The following VPS53 variants were observed in gnomAD, a reference collection of about 807,000 sequenced individuals.
VPS53 encodes VPS53 subunit of GARP complex.
VPS53 carries 70 observed loss-of-function variants against 107.0 expected under a neutral mutation model. That is an observed-to-expected ratio of 0.65 (90% CI 0.54 to 0.80). VPS53 has a LOEUF of 0.80. Among genes scored for constraint, VPS53 ranks in the 30% least tolerant of loss-of-function variants. The pLI is 0.00. For synonymous variants in VPS53, 409 were observed against 393.3 expected, an observed-to-expected ratio of 1.04 and a Z score of -0.47; for missense variants, 917 against 1,049.4, an observed-to-expected ratio of 0.87 and a Z score of 1.74.
Position 518,954 on chromosome 17 carries a change from GA to G in VPS53, c.*173del. On this transcript the variant is annotated 3_prime_UTR_variant, in exon 22 of 22. Coordinates refer to ENST00000437048, the MANE Select transcript of VPS53 (RefSeq NM_001128159.3). The stretch of plus-strand genomic sequence containing the variant: ...AGCCCAGCCCTTACTCAGCGTCTCC[GA>G]TTAGGGCAGGAAGTAAGACAGGGCA... The G allele has an allele frequency of 3.0e-6, 2 of 669,190 alleles. No individual in the cohort carries two copies. The highest frequency in any genetic ancestry group is 6.2e-5 in the East Asian group (2 of 32,296). 41.5% of individuals were successfully genotyped at this position (669,190 alleles called of 1,614,324 possible). A position where few individuals can be genotyped will look rare whatever the true frequency, so the allele number is the denominator to read the frequency against.
rs1368213687 is a variant in VPS53, at chr17:524,670, G to C, written c.2086-2932C>G. Among the ~76,000 whole-genome samples, 1 of 152,202 alleles carries C rather than the reference G, an allele frequency of 6.6e-6. No individual in the cohort carries two copies. The highest frequency in any genetic ancestry group is 1.5e-5 in the Non-Finnish European group (1 of 68,034). ...CTGGGAAATGCAAATTAAAACCACA[G>C]ATGTACACCATAATACATCCATCAG... On this transcript the variant is annotated intron_variant, in intron 19 of 21. Coordinates refer to ENST00000437048, the MANE Select transcript of VPS53 (RefSeq NM_001128159.3). The surrounding 1 kb of genome is among the most constrained non-coding windows in gnomAD (Gnocchi z 4.5).
chr17:603,837 T>C (rs1038333776), intron 11 of VPS53, among the ~76,000 whole-genome samples: 1 of 152,154 alleles, frequency 6.6e-6, no homozygotes, highest in African/African-American at 2.4e-5. Flanking sequence ...GAGAGAGGAA[T>C]AGTAATAAAG....
intron 5 of VPS53, among the ~76,000 whole-genome samples, chr17:656,330 A>C (rs1342195190): frequency 6.6e-6 from 1 of 152,208 alleles, no homozygotes; most frequent in Non-Finnish European, 1.5e-5. Flanking sequence ...GCTGGGCCAT[A>C]TAAAACACCT....
At chr17:522,418 C>G (rs1208615771) in intron 19 of VPS53, among the ~76,000 whole-genome samples, 1 of 152,246 alleles carries the variant, frequency 6.6e-6, no homozygotes, top group Non-Finnish European at 1.5e-5. Context: ...TAAGTGCACT[C>G]TAGCCTGGGC....
chr17:611,202 C>T lies in VPS53; in HGVS notation c.1117-9306G>A, dbSNP rs371481025. On this transcript the variant is annotated intron_variant, in intron 11 of 21. Coordinates refer to ENST00000437048, the MANE Select transcript of VPS53 (RefSeq NM_001128159.3). ...CTAAGTTTTGTATTTTTAGTACAGACGGGGTTTCACCATGTTGGCCAGGCT... is the reference window on the plus strand; with the variant it reads ...CTAAGTTTTGTATTTTTAGTACAGATGGGGTTTCACCATGTTGGCCAGGCT... Among the ~76,000 whole-genome samples the T allele has an allele frequency of 6.6e-5, 10 of 152,166 alleles. No homozygotes were observed. The South Asian group carries it at 1.7e-3, about 25-fold the overall frequency.
rs534730637 is a variant in VPS53 at position 527,386 on chromosome 17, A to G, written c.2085+5456T>C. Reference sequence around the variant, plus strand: ...CACTGTAGCTTGTTTCCTGCTCATAAACCTGCTGTGAACATTCGTGCGCAT... The same window carrying G: ...CACTGTAGCTTGTTTCCTGCTCATAGACCTGCTGTGAACATTCGTGCGCAT... On this transcript the variant is annotated intron_variant, in intron 19 of 21. Coordinates refer to ENST00000437048, the MANE Select transcript of VPS53 (RefSeq NM_001128159.3). Among the ~76,000 whole-genome samples, 3 of 152,222 alleles carry G rather than the reference A, an allele frequency of 2.0e-5. No homozygotes were observed. The East Asian group carries it at 5.8e-4, about 29-fold the overall frequency.
rs550639668 is a variant in VPS53, at chr17:646,093, C to T, written c.608+7198G>A. Among the ~76,000 whole-genome samples, 5 of 120,908 alleles carry T rather than the reference C, an allele frequency of 4.1e-5. No individual in the cohort carries two copies. The South Asian group carries it at 1.2e-3, about 28-fold the overall frequency. 79.3% of individuals were successfully genotyped at this position (120,908 alleles called of 152,430 possible). A position where few individuals can be genotyped will look rare whatever the true frequency, so the allele number is the denominator to read the frequency against. On this transcript the variant is annotated intron_variant, in intron 7 of 21. Coordinates refer to ENST00000437048, the MANE Select transcript of VPS53 (RefSeq NM_001128159.3). ...GTCTTATCTTTTCTAATTCATACCA[C>T]GGACTGGAGACTGGCTCTTACACAC...
intron 12 of VPS53, among the ~76,000 whole-genome samples, chr17:593,273 C>T (rs1175848310): frequency 6.6e-6 from 1 of 152,002 alleles, no homozygotes; most frequent in Non-Finnish European, 1.5e-5. Context: ...TCTAAAACAC[C>T]AAAAGCAATG....
At chr17:618,647 C>CA (rs1969283432) in intron 11 of VPS53, among the ~76,000 whole-genome samples, 1 of 150,616 alleles carries the variant, frequency 6.6e-6, no homozygotes. Context: ...ACTACAGGTG[C>CA]CCACGACACC....
chr17:548,762 C>T (rs1175121269), intron 17 of VPS53, among the ~76,000 whole-genome samples: 1 of 152,198 alleles, frequency 6.6e-6, no homozygotes, highest in African/African-American at 2.4e-5. Flanking sequence ...CTGAGGAGCC[C>T]CTGGGATGTT....
intron 10 of VPS53, among the ~76,000 whole-genome samples, chr17:626,875 C>G (rs1969733589): frequency 6.6e-6 from 1 of 152,132 alleles, no homozygotes; most frequent in Non-Finnish European, 1.5e-5. Context: ...GCGATACCGA[C>G]TAGGGGAAAA....
intron 17 of VPS53, among the ~76,000 whole-genome samples, chr17:550,768 T>C (rs142946608): frequency 7.2e-4 from 109 of 151,694 alleles, no homozygotes; most frequent in Non-Finnish European, 1.4e-3. Context: ...AAAAAAGGCA[T>C]AGGCACATAA....
intron 4 of VPS53, among the ~76,000 whole-genome samples, chr17:673,111 C>CAA (rs144893124): frequency 1.6e-4 from 14 of 84,996 alleles, no homozygotes; most frequent in Admixed American, 3.8e-4. Flanking sequence ...GATTCCGTCG[C>CAA]AAAAAAAAAA....
chr17:704,550 T>C (rs1486323645), intron 2 of VPS53, among the ~76,000 whole-genome samples: 1 of 152,220 alleles, frequency 6.6e-6, no homozygotes, highest in African/African-American at 2.4e-5. Context: ...TCTACTACCT[T>C]TTCATTAAGA....
At chr17:522,505 G>A (rs1441226981) in intron 19 of VPS53, among the ~76,000 whole-genome samples, 1 of 152,204 alleles carries the variant, frequency 6.6e-6, no homozygotes, top group East Asian at 1.9e-4. Flanking sequence ...GTGTGGTTGT[G>A]TAAACTTTAA....
intron 2 of VPS53, 125 bp downstream of exon 2, chr17:710,408 T>C (rs530890545): frequency 1.4e-6 from 1 of 708,494 alleles, no homozygotes; most frequent in East Asian, 2.6e-5. Flanking sequence ...TGATGGAGTT[T>C]GATTTGAATT....
At chr17:665,300 C>T (rs1054026234) in intron 4 of VPS53, among the ~76,000 whole-genome samples, 1 of 151,778 alleles carries the variant, frequency 6.6e-6, no homozygotes, top group Non-Finnish European at 1.5e-5. Context: ...GCGCTCGCCG[C>T]GGGACGACGC....
intron 18 of VPS53, among the ~76,000 whole-genome samples, chr17:533,403 C>G (rs925411008): frequency 2.6e-5 from 4 of 152,226 alleles, no homozygotes; most frequent in African/African-American, 9.6e-5. Context: ...GCCACTGGGC[C>G]AGGCTTCCTT....
At chr17:579,721 G>A (rs955138642) in intron 13 of VPS53, among the ~76,000 whole-genome samples, 22 of 150,178 alleles carry the variant, frequency 1.5e-4, no homozygotes, top group South Asian at 4.2e-4. Flanking sequence ...GACCTAATGC[G>A]TTCTCAGAGA....
Sources: allele counts gnomAD v4.1 joint callset (sites outside exome capture counted in the v4.1 genomes callset), GRCh38; gene constraint gnomAD v4.1.1; non-coding constraint Gnocchi (gnomAD v3.1); transcripts MANE v1.5; gene names NCBI Gene and HGNC (gene_info 2026-07-23, HGNC 2026-07-21).